The following ZFP14 variants were observed in gnomAD, a reference collection of about 807,000 sequenced individuals.
ZFP14 encodes the protein ZFP14 zinc finger protein, also known as zinc finger protein 14 homolog.
Under a neutral mutation model 54.5 loss-of-function variants are expected in ZFP14, and 22 were observed. That is an observed-to-expected ratio of 0.40 (90% confidence interval 0.29 to 0.58). The LOEUF is 0.58. Ranked by LOEUF, ZFP14 falls within the 20% of genes least tolerant of loss-of-function variation. ZFP14 has a pLI of 0.39. For synonymous variants in ZFP14, 159 were observed against 204.0 expected (o/e 0.78, Z 1.88); for missense variants, 470 against 637.8 (o/e 0.74, Z 2.83).
At chr19:36,361,842 T>C (rs1245987149) in intron 3 of ZFP14, among the ~76,000 whole-genome samples, 2 of 152,188 alleles carry the variant, frequency 1.3e-5, no homozygotes, top group East Asian at 1.9e-4. Flanking sequence ...TGAGCTCCAA[T>C]ATAAGGTGAA....
At chr19:36,365,609 T>C (rs572186032) in intron 2 of ZFP14, among the ~76,000 whole-genome samples, 7 of 151,820 alleles carry the variant, frequency 4.6e-5, no homozygotes, top group African/African-American at 1.7e-4. Context: ...GTCTAACAAC[T>C]GTATTTGGGA....
In ZFP14 at chr19:36,364,438, G is replaced by C. The variant is rs140840629; in HGVS notation, c.10-2200C>G. Among the ~76,000 whole-genome samples, 565 of 152,282 alleles carry C rather than the reference G, an allele frequency of 3.7e-3. 4 individuals are homozygous for C. The highest frequency in any genetic ancestry group is 0.013 in the African/African-American group (521 of 41,556). On this transcript the variant is annotated intron_variant, in intron 2 of 4. Coordinates refer to ENST00000270001, the MANE Select transcript of ZFP14 (RefSeq NM_020917.3). ...GTTTGAATAATTCCATAGGCTAGCA[G>C]GGAGGTGAAACCCATTAGGTTGAGG...
chr19:36,343,269 C>G (rs531442842), intron 4 of ZFP14, among the ~76,000 whole-genome samples: 1 of 152,318 alleles, frequency 6.6e-6, no homozygotes, highest in African/African-American at 2.4e-5. Context: ...TCAATGCTAT[C>G]TCTTTACCAT....
In ZFP14 at chr19:36,367,800, GA is replaced by G. The variant is rs1362971956; in HGVS notation, c.9+83del. 22 of 1,486,846 alleles carry G rather than the reference GA, an allele frequency of 1.5e-5. No individual in the cohort carries two copies. The African/African-American group carries it at 2.9e-4, about 20-fold the overall frequency. The allele number at this position is 1,486,846 out of a possible 1,614,324, so 92.1% of individuals were successfully genotyped here. A position where few individuals can be genotyped will look rare whatever the true frequency, so the allele number is the denominator to read the frequency against. ...TCTTGGATGAAGCTCTGGTAAGCAG[GA>G]AGTTTCAGAATAAAGAATGAATCTA... is the stretch of plus-strand genomic sequence containing the variant. On this transcript the variant is annotated intron_variant, in intron 2 of 4. Transcript: ENST00000270001.
chr19:36,367,809 G>A, intron 2 of ZFP14, 75 bp downstream of exon 2: 1 of 1,528,436 alleles, frequency 6.5e-7, no homozygotes. Context: ...GGAAGTTTCA[G>A]AATAAAGAAT....
intron 2 of ZFP14, among the ~76,000 whole-genome samples, chr19:36,365,084 C>T (rs1028204791): frequency 2.3e-5 from 3 of 132,112 alleles, no homozygotes; most frequent in African/African-American, 8.5e-5. Context: ...GATGTGATCA[C>T]AGCTCACTGC....
intron 4 of ZFP14, among the ~76,000 whole-genome samples, chr19:36,343,667 T>G (rs1473935429): frequency 2.0e-5 from 3 of 152,200 alleles, no homozygotes; most frequent in Non-Finnish European, 4.4e-5. Context: ...TCTGACGGAT[T>G]AAGGAGTTTA....
At chr19:36,367,461 C>G (rs1170690450) in intron 2 of ZFP14, among the ~76,000 whole-genome samples, 1 of 151,808 alleles carries the variant, frequency 6.6e-6, no homozygotes, top group Non-Finnish European at 1.5e-5. Context: ...CCAATCCTCA[C>G]AGGAGGGAAA....
At chr19:36,360,592 T>C in intron 3 of ZFP14, 59 bp from the exon 4 acceptor site, 1 of 1,489,494 alleles carries the variant, frequency 6.7e-7, no homozygotes, top group African/African-American at 1.4e-5. Flanking sequence ...AGATTTAGAT[T>C]TGGTTAAATT....
chr19:36,367,844 T>G (rs1467093007), intron 2 of ZFP14, 40 bp downstream of exon 2: 1 of 1,603,386 alleles, frequency 6.2e-7, no homozygotes, highest in Non-Finnish European at 8.5e-7. Flanking sequence ...GATACAGAAA[T>G]TGACAGTATT....
In ZFP14 at chr19:36,351,632, A is replaced by G. The variant is rs540870652; in HGVS notation, c.235+8803T>C. On this transcript the variant is annotated intron_variant, in intron 4 of 4. Transcript: ENST00000270001. ...TCACAGTACTTTGGGAGGCTGAGAC[A>G]GGAGGATCATCTGAGACCAAGAGTT... is the stretch of plus-strand genomic sequence containing the variant. 4.9e-5 allele frequency among the ~76,000 whole-genome samples: 7 copies of G among 142,400 alleles called. 2 individuals are homozygous for G. Among genetic ancestry groups the G allele is most frequent in the African/African-American group, 1.8e-4 (7 of 38,872 alleles). The allele number at this position is 142,400 out of a possible 152,430, so 93.4% of individuals were successfully genotyped here.
chr19:36,376,049 C>T (rs951573544), intron 1 of ZFP14, among the ~76,000 whole-genome samples: 4 of 151,810 alleles, frequency 2.6e-5, no homozygotes, highest in Non-Finnish European at 5.9e-5. Context: ...TTGTAATTAC[C>T]AATATATGCT....
At chr19:36,356,289 G>A (rs2031611875) in intron 4 of ZFP14, among the ~76,000 whole-genome samples, 2 of 151,886 alleles carry the variant, frequency 1.3e-5, no homozygotes, top group African/African-American at 4.8e-5. Flanking sequence ...ACAAAATTAG[G>A]TGGTGGCGCA....
chr19:36,364,593 T>G (rs1222806788), intron 2 of ZFP14, among the ~76,000 whole-genome samples: 1 of 152,070 alleles, frequency 6.6e-6, no homozygotes, highest in Non-Finnish European at 1.5e-5. Context: ...TTGACAAAGT[T>G]GTCAAGGCAC....
chr19:36,374,199 T>C (rs1305425018), intron 1 of ZFP14, among the ~76,000 whole-genome samples: 2 of 152,102 alleles, frequency 1.3e-5, no homozygotes, highest in East Asian at 1.9e-4. Flanking sequence ...ATAAAGATTA[T>C]GCAGAGCTAT....
rs545631669 is a variant in ZFP14 at position 36,346,519 on chromosome 19, G to A, written c.236-4929C>T. ...TCGCCAGGCTGGAGTGTAGTGTGGC[G>A]CAGTCTCAGCTCACTGCAACCTCTG... On this transcript the variant is annotated intron_variant, in intron 4 of 4. Transcript: ENST00000270001. Among the ~76,000 whole-genome samples the A allele has an allele frequency of 6.6e-5, 10 of 151,878 alleles. No homozygotes were observed. In the South Asian group the frequency reaches 1.5e-3, roughly 22 times the overall value.
chr19:36,345,159 A>G (rs2031391528), intron 4 of ZFP14, among the ~76,000 whole-genome samples: 1 of 152,186 alleles, frequency 6.6e-6, no homozygotes. Flanking sequence ...GCTACTCGGG[A>G]GGCTGAGGCA....
intron 2 of ZFP14, among the ~76,000 whole-genome samples, chr19:36,366,136 T>C (rs2031790726): frequency 6.6e-6 from 1 of 151,302 alleles, no homozygotes; most frequent in African/African-American, 2.4e-5. Context: ...GGAGTGGTGG[T>C]GGGCGCCTGT....
At chr19:36,360,922 T>C (rs904458080) in intron 3 of ZFP14, among the ~76,000 whole-genome samples, 1 of 152,210 alleles carries the variant, frequency 6.6e-6, no homozygotes, top group African/African-American at 2.4e-5. Context: ...GTGTCTACGT[T>C]TTCTCAAATA....
Sources: allele counts gnomAD v4.1 joint callset (sites outside exome capture counted in the v4.1 genomes callset), GRCh38; gene constraint gnomAD v4.1.1; transcripts MANE v1.5; gene names NCBI Gene and HGNC (gene_info 2026-07-23, HGNC 2026-07-21).